CMYA5: variants seen among roughly 807,000 people sequenced by gnomAD.
CMYA5 encodes the protein cardiomyopathy-associated protein 5.
A neutral mutation model predicts 318.9 loss-of-function variants in CMYA5; 246 were observed. The observed-to-expected ratio is 0.77, with a 90% CI of 0.70 to 0.86. The LOEUF is 0.86. CMYA5 is among the 40% of genes least tolerant of loss of function. CMYA5 has a pLI of 0.00. For missense variants in CMYA5, 4,589 were observed against 4,678.2 expected (o/e 0.98, Z 0.56); for synonymous variants, 1,641 against 1,729.5 (o/e 0.95, Z 1.27).
chr5:79,765,818 G>A (rs991781203), intron 9 of CMYA5, among the ~76,000 whole-genome samples: 1 of 152,186 alleles, frequency 6.6e-6, no homozygotes, highest in African/African-American at 2.4e-5. Flanking sequence ...AGGAATGCTT[G>A]TGATTTTTGC....
At chr5:79,693,336 A>ATTTTTTTTT (rs11319092) in intron 1 of CMYA5, among the ~76,000 whole-genome samples, 2 of 135,634 alleles carry the variant, frequency 1.5e-5, no homozygotes, top group African/African-American at 2.8e-5. Context: ...AAGTCACACA[A>ATTTTTTTTT]TTTTTTTTTT....
chr5:79,690,383 T>A (rs982895825), intron 1 of CMYA5, among the ~76,000 whole-genome samples: 9 of 152,112 alleles, frequency 5.9e-5, no homozygotes, highest in Non-Finnish European at 8.8e-5. Context: ...ACAGGAACAA[T>A]CGCGAAATCC....
At chr5:79,745,154 C>CAAAA (rs35310955) in intron 3 of CMYA5, 68 bp from the exon 4 acceptor site, 4 of 882,092 alleles carry the variant, frequency 4.5e-6, no homozygotes, top group Non-Finnish European at 6.7e-6. Context: ...CTGGTGTTTC[C>CAAAA]AAAAAAAAAA....
rs1412377928 is a variant in CMYA5, at chr5:79,730,037, G to A, written c.1272G>A (p.Lys424=). 1.9e-6 allele frequency: 3 copies of A among 1,613,954 alleles called. No individual in the cohort carries two copies. The highest frequency in any genetic ancestry group is 1.1e-5 in the South Asian group (1 of 91,082). ...CATCATTTGCTAATGAGGTAAAGAAGGAAGATGTGTATTCTGCTCACCATT... is the reference window on the plus strand; with the variant it reads ...CATCATTTGCTAATGAGGTAAAGAAAGAAGATGTGTATTCTGCTCACCATT... ...VSPSFANEVK[K]EDVYSAHHSI... The change falls in exon 2 of 13, where the codon AAG becomes AAA. Residue 424 remains lysine (K), a synonymous_variant. Transcript: ENST00000446378.
intron 3 of CMYA5, 111 bp downstream of exon 3, chr5:79,744,033 G>T: frequency 1.8e-6 from 1 of 551,838 alleles, no homozygotes; most frequent in Non-Finnish European, 3.1e-6. Flanking sequence ...TGTGTTGTTT[G>T]CCATTGTTGG....
In CMYA5 at chr5:79,731,311, T is replaced by C. The variant is rs1240340396; in HGVS notation, c.2546T>C (p.Val849Ala). 2 of 1,613,894 alleles carry C rather than the reference T, an allele frequency of 1.2e-6. No individual in the cohort carries two copies. Among genetic ancestry groups the C allele is most frequent in the Non-Finnish European group, 1.7e-6 (2 of 1,179,868 alleles). Residue 849 changes from valine (V) to alanine (A), a missense_variant, in exon 2 of 13, where the codon GTT becomes GCT. Val to Ala is a moderately conservative substitution (Grantham distance 64, BLOSUM62 0). Transcript: ENST00000446378. ...ATTGGACCATCTTCCCCAGATTTGGTTGTTGCATCTGAACACTCTTTCCCA... is the reference window on the plus strand; with the variant it reads ...ATTGGACCATCTTCCCCAGATTTGGCTGTTGCATCTGAACACTCTTTCCCA... The part of the protein sequence containing the change: ...EVIGPSSPDL[V>A]VASEHSFPPH...
intron 9 of CMYA5, among the ~76,000 whole-genome samples, chr5:79,778,703 A>AT (rs1225618349): frequency 1.3e-5 from 2 of 151,058 alleles, no homozygotes; most frequent in Non-Finnish European, 2.9e-5. Flanking sequence ...TACCGTGCAT[A>AT]TTTTTTATAA....
At chr5:79,745,509 A>G in intron 4 of CMYA5, 54 bp downstream of exon 4, 1 of 1,083,444 alleles carries the variant, frequency 9.2e-7, no homozygotes, top group Non-Finnish European at 1.4e-6. Context: ...TGGCACATCT[A>G]CTTTTAAAGC....
At chr5:79,709,287 GA>G (rs999349398) in intron 1 of CMYA5, among the ~76,000 whole-genome samples, 7 of 150,614 alleles carry the variant, frequency 4.6e-5, no homozygotes, top group African/African-American at 1.5e-4. Context: ...ATTATTCTAA[GA>G]AAAAAAAATG....
rs1432472889 is a variant in CMYA5, at chr5:79,689,971, G to A, written c.64G>A (p.Ala22Thr). ...SFLGSDGDEE[A>T]TRELETEEES... ...TCTCGGCTCCGACGGGGACGAGGAG[G>A]CGACCCGGGAGCTGGAGACCGAGGA... is the stretch of plus-strand genomic sequence containing the variant. The change falls in exon 1 of 13, where the codon GCG (alanine) becomes ACG (threonine). Residue 22 changes from alanine (A) to threonine (T), a missense_variant. Ala to Thr is a moderately conservative substitution (Grantham distance 58). This residue lies in a region of CMYA5 where 2,132 missense variants were observed against 2,131.3 expected (regional missense o/e 1.00). Transcript: ENST00000446378. The A allele has an allele frequency of 7.6e-7, 1 of 1,316,412 alleles. No individual in the cohort carries two copies. The highest frequency in any genetic ancestry group is 2.0e-5 in the Admixed American group (1 of 49,408). The allele number at this position is 1,316,412 out of a possible 1,614,324, so 81.5% of individuals were successfully genotyped here. A position where few individuals can be genotyped will look rare whatever the true frequency, so the allele number is the denominator to read the frequency against.
At chr5:79,745,504 C>A in intron 4 of CMYA5, 49 bp downstream of exon 4, 2 of 1,161,518 alleles carry the variant, frequency 1.7e-6, no homozygotes, top group Non-Finnish European at 2.6e-6. Context: ...CACTCTGGCA[C>A]ATCTACTTTT....
At position 79,738,924 on chromosome 5, in the gene CMYA5, G is replaced by T. The variant is rs1227880538; in HGVS notation, c.10159G>T (p.Gly3387Cys). The change falls in exon 2 of 13, where the codon GGT (glycine) becomes TGT (cysteine). Residue 3387 changes from glycine (G) to cysteine (C), a missense_variant. Gly to Cys is a radical substitution (Grantham distance 159). Transcript: ENST00000446378. ...VSFPEEEFAS[G>C]ATHVQETSLE... ...CTTCCCGGAGGAAGAATTTGCATCT[G>T]GTGCAACTCATGTTCAAGAAACATC... The T allele has an allele frequency of 1.2e-6, 2 of 1,613,874 alleles. No homozygotes were observed.
chr5:79,714,582 C>T (rs1455532587), intron 1 of CMYA5, among the ~76,000 whole-genome samples: 2 of 151,900 alleles, frequency 1.3e-5, no homozygotes, highest in Non-Finnish European at 2.9e-5. Context: ...GGACTGTAGG[C>T]ATGTGCCACC....
chr5:79,740,979 C>T (rs76695328), intron 2 of CMYA5, among the ~76,000 whole-genome samples: 1 of 152,070 alleles, frequency 6.6e-6, no homozygotes, highest in Non-Finnish European at 1.5e-5. Context: ...AGTGATCCCT[C>T]TACCTCAGCC....
chr5:79,738,904 C>T lies in CMYA5; in HGVS notation c.10139C>T (p.Pro3380Leu), dbSNP rs146272368. The T allele has an allele frequency of 4.3e-4, 699 of 1,613,800 alleles. 1 individual carries two copies. Among genetic ancestry groups the T allele is most frequent in the Admixed American group, 1.6e-3 (98 of 59,976 alleles). ...NLNVPVQVSF[P>L]EEEFASGATH... ...AATGTCCCAGTACAAGTGTCCTTCCCGGAGGAAGAATTTGCATCTGGTGCA... is the reference window on the plus strand; with the variant it reads ...AATGTCCCAGTACAAGTGTCCTTCCTGGAGGAAGAATTTGCATCTGGTGCA... Residue 3380 changes from proline (P) to leucine (L), a missense_variant, in exon 2 of 13, where the codon CCG becomes CTG. Coordinates refer to ENST00000446378, the MANE Select transcript of CMYA5 (RefSeq NM_153610.5).
intron 1 of CMYA5, among the ~76,000 whole-genome samples, chr5:79,722,865 G>T (rs1827668194): frequency 6.6e-6 from 1 of 151,908 alleles, no homozygotes; most frequent in African/African-American, 2.4e-5. Context: ...ACATTTAGAT[G>T]AAATAGATAA....
intron 9 of CMYA5, among the ~76,000 whole-genome samples, chr5:79,770,082 T>C (rs1461061666): frequency 1.3e-5 from 2 of 152,212 alleles, no homozygotes; most frequent in African/African-American, 2.4e-5. Context: ...TTGAACTTCC[T>C]GGAGGCTTTG....
chr5:79,693,655 T>C (rs1389215549), intron 1 of CMYA5, among the ~76,000 whole-genome samples: 1 of 152,134 alleles, frequency 6.6e-6, no homozygotes, highest in Non-Finnish European at 1.5e-5. Context: ...CCACAGAATT[T>C]TTTGGAACAG....
chr5:79,692,846 T>C (rs762835628), intron 1 of CMYA5, among the ~76,000 whole-genome samples: 102 of 152,350 alleles, frequency 6.7e-4, no homozygotes, highest in Non-Finnish European at 1.1e-3. Flanking sequence ...TAAATAATGA[T>C]CCTATTTCAC....
Sources: allele counts gnomAD v4.1 joint callset (sites outside exome capture counted in the v4.1 genomes callset), GRCh38; gene constraint gnomAD v4.1.1; regional missense constraint gnomAD v4.1.1; transcripts MANE v1.5; gene names NCBI Gene and HGNC (gene_info 2026-07-23, HGNC 2026-07-21).